The following SLC35F4 variants were observed in gnomAD, a reference collection of about 807,000 sequenced individuals.
SLC35F4 encodes solute carrier family 35 member F4.
SLC35F4 carries 24 observed loss-of-function variants against 44.2 expected under a neutral mutation model. The observed-to-expected ratio is 0.54, with a 90% CI of 0.39 to 0.76. The LOEUF is 0.76. Ranked by LOEUF, SLC35F4 falls within the 30% of genes least tolerant of loss-of-function variation. The probability of loss-of-function intolerance (pLI) is 0.00; values close to 1 mark genes in which losing one functional copy is unlikely to be tolerated. For missense variants in SLC35F4, 562 were observed against 586.1 expected (o/e 0.96, Z 0.42); for synonymous variants, 238 against 223.6 (o/e 1.06, Z -0.57).
chr14:57,865,512 C>G (rs1173897049), intron 1 of SLC35F4, among the ~76,000 whole-genome samples: 2 of 152,196 alleles, frequency 1.3e-5, no homozygotes, highest in Non-Finnish European at 2.9e-5. Context: ...GCGCACCCAG[C>G]CGGGCCCCTT....
intron 1 of SLC35F4, among the ~76,000 whole-genome samples, chr14:57,604,849 A>T (rs1288120343): frequency 2.6e-5 from 4 of 152,212 alleles, no homozygotes; most frequent in Non-Finnish European, 4.4e-5. Flanking sequence ...AAAAATAAGC[A>T]ATGGGGGAAA....
chr14:57,571,854 A>G (rs1385764944), intron 5 of SLC35F4, 40 bp downstream of exon 5: 1 of 1,593,996 alleles, frequency 6.3e-7, no homozygotes. Context: ...AGTCTAAGTT[A>G]TGAGTGACAG....
At chr14:57,602,400 C>T (rs537544573) in intron 1 of SLC35F4, 1 of 152,152 alleles carries the variant, frequency 6.6e-6, no homozygotes, top group East Asian at 1.9e-4. Flanking sequence ...ATACTCACTA[C>T]AGAGAGAACC....
chr14:57,652,465 C>G (rs2073817171), intron 1 of SLC35F4, among the ~76,000 whole-genome samples: 1 of 152,104 alleles, frequency 6.6e-6, no homozygotes. Context: ...TCATTCAGAT[C>G]AGTGGTTCTG....
intron 1 of SLC35F4, among the ~76,000 whole-genome samples, chr14:57,881,199 T>C (rs1888527674): frequency 6.6e-6 from 1 of 152,186 alleles, no homozygotes. Context: ...GTCAGCTCAG[T>C]ATACTTTCAG....
chr14:57,752,925 G>A (rs1202401111), intron 1 of SLC35F4, among the ~76,000 whole-genome samples: 3 of 152,204 alleles, frequency 2.0e-5, no homozygotes, highest in African/African-American at 7.2e-5. Context: ...ACCTGGGGAA[G>A]CAAGTAAAAA....
intron 3 of SLC35F4, among the ~76,000 whole-genome samples, chr14:57,585,472 G>T (rs1035374436): frequency 6.6e-6 from 1 of 152,108 alleles, no homozygotes. Flanking sequence ...ATTCAACATA[G>T]TATTGGAAGT....
At chr14:57,757,349 T>A (rs1160331134) in intron 1 of SLC35F4, among the ~76,000 whole-genome samples, 3 of 152,220 alleles carry the variant, frequency 2.0e-5, no homozygotes, top group Non-Finnish European at 4.4e-5. Context: ...TTATCTAATG[T>A]GACAATCTTT....
intron 1 of SLC35F4, among the ~76,000 whole-genome samples, chr14:57,645,386 G>A (rs1301118934): frequency 1.3e-5 from 2 of 152,112 alleles, no homozygotes; most frequent in African/African-American, 2.4e-5. Flanking sequence ...TGAAGCAATC[G>A]TGAATGGGAG....
At chr14:57,868,697 C>T (rs532634016), upstream of SLC35F4, among the ~76,000 whole-genome samples, 5 of 152,204 alleles carry the variant, frequency 3.3e-5, no homozygotes, top group South Asian at 2.1e-4. Flanking sequence ...AGACTGGTCT[C>T]GAACTCCTGA....
At chr14:57,803,343 A>G (rs1447765359) in intron 1 of SLC35F4, among the ~76,000 whole-genome samples, 2 of 152,158 alleles carry the variant, frequency 1.3e-5, no homozygotes, top group African/African-American at 4.8e-5. Context: ...CCCACAGCCA[A>G]TATCATACTG....
chr14:57,826,659 T>C (rs567976084), intron 1 of SLC35F4, among the ~76,000 whole-genome samples: 1 of 149,780 alleles, frequency 6.7e-6, no homozygotes, highest in African/African-American at 2.4e-5. Context: ...TTTAAACAAA[T>C]TTAAAAGAAA....
chr14:57,742,733 T>C (rs1186265047), intron 1 of SLC35F4, among the ~76,000 whole-genome samples: 1 of 152,194 alleles, frequency 6.6e-6, no homozygotes, highest in Non-Finnish European at 1.5e-5. Context: ...CTAATAGACA[T>C]CTACAGAACT....
Position 57,773,205 on chromosome 14 carries a change from G to T in SLC35F4, c.103+92518C>A, listed in dbSNP as rs545113320. Among the ~76,000 whole-genome samples, 42 of 152,044 alleles carry T rather than the reference G, an allele frequency of 2.8e-4. 1 individual carries two copies. The South Asian group carries it at 3.1e-3, about 11-fold the overall frequency. Reference sequence around the variant, plus strand: ...GGGGTTATTTGTTTTTATTCTTGCTGAGTTGAGTTCCTTGTTGATTCTGGA... The same window carrying T: ...GGGGTTATTTGTTTTTATTCTTGCTTAGTTGAGTTCCTTGTTGATTCTGGA... On this transcript the variant is annotated intron_variant, in intron 1 of 7. Coordinates refer to ENST00000556826, the MANE Select transcript of SLC35F4 (RefSeq NM_001306087.2).
chr14:57,775,631 C>A (rs1007517586), intron 1 of SLC35F4, among the ~76,000 whole-genome samples: 1 of 152,186 alleles, frequency 6.6e-6, no homozygotes, highest in Admixed American at 6.5e-5. Context: ...AATGGGATAA[C>A]AGAAATAAAA....
intron 1 of SLC35F4, among the ~76,000 whole-genome samples, chr14:57,631,545 C>A (rs1034898911): frequency 6.6e-6 from 1 of 152,020 alleles, no homozygotes; most frequent in Non-Finnish European, 1.5e-5. Context: ...GCATTTGTAT[C>A]AAAATTTGCC....
At chr14:57,777,254 T>G (rs1198086103) in intron 1 of SLC35F4, among the ~76,000 whole-genome samples, 1 of 152,240 alleles carries the variant, frequency 6.6e-6, no homozygotes, top group East Asian at 1.9e-4. Flanking sequence ...AAATACCATT[T>G]GACCCAGCCA....
chr14:57,776,474 G>A (rs568941870), intron 1 of SLC35F4, among the ~76,000 whole-genome samples: 9 of 152,088 alleles, frequency 5.9e-5, no homozygotes, highest in African/African-American at 1.9e-4. Flanking sequence ...AGACCATCCT[G>A]GTTAACATGG....
At chr14:57,832,491 T>G (rs1212847070) in intron 1 of SLC35F4, among the ~76,000 whole-genome samples, 1 of 152,166 alleles carries the variant, frequency 6.6e-6, no homozygotes, top group Non-Finnish European at 1.5e-5. Context: ...AATAAATAAA[T>G]TTTAGCTTTT....
Sources: allele counts gnomAD v4.1 joint callset (sites outside exome capture counted in the v4.1 genomes callset), GRCh38; gene constraint gnomAD v4.1.1; transcripts MANE v1.5; gene names NCBI Gene and HGNC (gene_info 2026-07-23, HGNC 2026-07-21).